Variants in PDE5A observed in about 807,000 individuals in gnomAD.
PDE5A encodes cGMP-specific 3',5'-cyclic phosphodiesterase.
Under a neutral mutation model 110.2 loss-of-function variants are expected in PDE5A, and 67 were observed. The ratio of observed to expected loss-of-function variants is 0.61; its 90% CI spans 0.50 to 0.75. The LOEUF (loss-of-function observed/expected upper bound fraction) is 0.75, where lower values mean the gene tolerates loss of function less well. Among genes scored for constraint, PDE5A ranks in the 30% least tolerant of loss-of-function variants. The probability of loss-of-function intolerance (pLI) is 0.00; values close to 1 mark genes in which losing one functional copy is unlikely to be tolerated. For synonymous variants in PDE5A, 328 were observed against 351.2 expected (o/e 0.93, Z 0.74); for missense variants, 862 against 1,045.1 (o/e 0.82, Z 2.42).
intron 1 of PDE5A, 59 bp downstream of exon 1, chr4:119,628,461 G>A: frequency 7.2e-7 from 1 of 1,396,930 alleles, no homozygotes; most frequent in Non-Finnish European, 9.8e-7. Context: ...GTGAACGAAG[G>A]GCACAATTCA....
At chr4:119,577,739 G>A (rs1167601640) in intron 3 of PDE5A, among the ~76,000 whole-genome samples, 2 of 152,178 alleles carry the variant, frequency 1.3e-5, no homozygotes, top group East Asian at 3.9e-4. Flanking sequence ...CATACTGAAT[G>A]GGCAAAAACT....
At position 119,626,248 on chromosome 4, in the gene PDE5A, G is replaced by A. The variant is rs564468128; in HGVS notation, c.152+2272C>T. On this transcript the variant is annotated intron_variant, in intron 1 of 20. Coordinates refer to ENST00000354960, the MANE Select transcript of PDE5A (RefSeq NM_001083.4). ...AGGATTTTGATCCTATGCTGCTTGG[G>A]AGAAAAAGTAATGGGAAAAGAAATG... 4.1e-4 allele frequency among the ~76,000 whole-genome samples: 63 copies of A among 152,160 alleles called. 1 individual carries two copies. Among genetic ancestry groups the A allele is most frequent in the African/African-American group, 1.5e-3 (62 of 41,494 alleles).
rs1730414295 is a variant in PDE5A, at chr4:119,627,808, C to T, written c.152+712G>A. On this transcript the variant is annotated intron_variant, in intron 1 of 20. Coordinates refer to ENST00000354960, the MANE Select transcript of PDE5A (RefSeq NM_001083.4). This position sits in a 1 kb window ranked among gnomAD's most constrained non-coding sequence, Gnocchi z 4.6. ...GCTCTGGACCAGAAAGAGCTGGCCT[C>T]TGGGGTCTGCGCTGCCCCTTGGGGT... Among the ~76,000 whole-genome samples the T allele has an allele frequency of 6.6e-6, 1 of 152,224 alleles. No individual in the cohort carries two copies. The highest frequency in any genetic ancestry group is 2.1e-4 in the South Asian group (1 of 4,836).
intron 1 of PDE5A, among the ~76,000 whole-genome samples, chr4:119,620,259 G>A (rs996528887): frequency 1.3e-5 from 2 of 152,156 alleles, no homozygotes; most frequent in African/African-American, 4.8e-5. Context: ...TGAGTAGTTC[G>A]CTTGGGTCTG....
chr4:119,615,718 C>A (rs79641732), intron 1 of PDE5A, among the ~76,000 whole-genome samples: 1,936 of 152,136 alleles, frequency 0.013, 35 homozygotes, highest in African/African-American at 0.041. Context: ...GCATCTGTAG[C>A]TTTTACCACA....
chr4:119,618,555 A>G (rs370811650), intron 1 of PDE5A, among the ~76,000 whole-genome samples: 2 of 152,166 alleles, frequency 1.3e-5, no homozygotes, highest in Non-Finnish European at 2.9e-5. Flanking sequence ...AGATTAGGTG[A>G]TAAACATTTA....
At chr4:119,522,890 G>A (rs573489083) in intron 12 of PDE5A, among the ~76,000 whole-genome samples, 11 of 152,078 alleles carry the variant, frequency 7.2e-5, no homozygotes, top group South Asian at 4.2e-4. Flanking sequence ...TGTTCAATAC[G>A]TTGAATCAGT....
intron 3 of PDE5A, 53 bp downstream of exon 3, chr4:119,596,465 ATTTTT>A: frequency 1.1e-6 from 1 of 920,974 alleles, no homozygotes; most frequent in South Asian, 1.7e-5. Flanking sequence ...AATACAAAAT[ATTTTT>A]CAAAAAGAAA....
chr4:119,520,831 T>A, intron 13 of PDE5A, 104 bp downstream of exon 13: 1 of 967,000 alleles, frequency 1.0e-6, no homozygotes, highest in Non-Finnish European at 1.5e-6. Context: ...GCAAATATTA[T>A]TTTAAATCAT....
In PDE5A at chr4:119,520,975, G is replaced by C. The variant is rs1726107469; in HGVS notation, c.1865C>G (p.Ala622Gly). ...TTTTAGAGCAGCAAACATGCACTGA[G>C]CTGTATTAAAGGCATGTCTCCAATT... The part of the protein sequence containing the change: ...YHNWRHAFNT[A>G]QCMFAALKAG... Residue 622 changes from alanine to glycine, a missense_variant, in exon 13 of 21, where the codon GCT becomes GGT. Transcript: ENST00000354960. The C allele has an allele frequency of 1.2e-6, 2 of 1,612,468 alleles. No individual in the cohort carries two copies. The highest frequency in any genetic ancestry group is 3.3e-5 in the Admixed American group (2 of 59,902).
intron 3 of PDE5A, among the ~76,000 whole-genome samples, chr4:119,577,999 C>T (rs548429264): frequency 9.8e-4 from 150 of 152,320 alleles, no homozygotes; most frequent in African/African-American, 3.4e-3. Context: ...TCTCAGGACA[C>T]AAAATCGATG....
chr4:119,584,504 C>T (rs1291686215), intron 3 of PDE5A, among the ~76,000 whole-genome samples: 3 of 152,180 alleles, frequency 2.0e-5, no homozygotes, highest in African/African-American at 7.2e-5. Flanking sequence ...TCTTTAGCAG[C>T]TTTCCTGCCT....
In PDE5A at chr4:119,565,314, G is replaced by C. The variant is rs78996285; in HGVS notation, c.993+7C>G. 16 of 1,586,974 alleles carry C rather than the reference G, an allele frequency of 1.0e-5. No homozygotes were observed. Among genetic ancestry groups the C allele is most frequent in the African/African-American group, 1.3e-5 (1 of 74,294 alleles). On this transcript the variant is annotated splice_region_variant and intron_variant, in intron 5 of 20. Coordinates refer to ENST00000354960, the MANE Select transcript of PDE5A (RefSeq NM_001083.4). Reference sequence around the variant, plus strand: ...TTCTATGCACTTTCTTTAGTAATCAGACTGACCTGATTTCTCTTGTTCTCC... The same window carrying C: ...TTCTATGCACTTTCTTTAGTAATCACACTGACCTGATTTCTCTTGTTCTCC...
rs1730389062 is a variant in PDE5A, at chr4:119,627,301, C to T, written c.152+1219G>A. On this transcript the variant is annotated intron_variant, in intron 1 of 20. Transcript: ENST00000354960. The surrounding 1 kb of genome is among the most constrained non-coding windows in gnomAD (Gnocchi z 4.6). The stretch of plus-strand genomic sequence containing the variant: ...GACTCAGAACCAGCTCCCTCACGGC[C>T]CCGGCCTCCGCGCCGCCGCCCGTCG... 7.6e-7 allele frequency: 1 copy of T among 1,314,156 alleles called. No homozygotes were observed. The highest frequency in any genetic ancestry group is 9.8e-7 in the Non-Finnish European group (1 of 1,018,112). 81.4% of individuals were successfully genotyped at this position (1,314,156 alleles called of 1,614,324 possible). A position where few individuals can be genotyped will look rare whatever the true frequency, so the allele number is the denominator to read the frequency against.
Position 119,522,553 on chromosome 4 carries a change from A to T in PDE5A, c.1780-1493T>A, listed in dbSNP as rs75949753. On this transcript the variant is annotated intron_variant, in intron 12 of 20. Coordinates refer to ENST00000354960, the MANE Select transcript of PDE5A (RefSeq NM_001083.4). ...CTTTTTACTAATCATAAATGTACAGATATAATTAAATATATAATACCATAT... is the reference window on the plus strand; with the variant it reads ...CTTTTTACTAATCATAAATGTACAGTTATAATTAAATATATAATACCATAT... Among the ~76,000 whole-genome samples the T allele has an allele frequency of 4.0e-3, 603 of 152,242 alleles. 5 individuals are homozygous for T. The highest frequency in any genetic ancestry group is 0.013 in the African/African-American group (551 of 41,568).
At chr4:119,562,304 A>G (rs1727770048) in intron 6 of PDE5A, among the ~76,000 whole-genome samples, 1 of 152,230 alleles carries the variant, frequency 6.6e-6, no homozygotes. Context: ...ACCAGTTAGA[A>G]CAGCTTAGTG....
intron 11 of PDE5A, among the ~76,000 whole-genome samples, chr4:119,531,936 A>G (rs1390936893): frequency 6.6e-6 from 1 of 152,142 alleles, no homozygotes; most frequent in Non-Finnish European, 1.5e-5. Context: ...TACAGTCACA[A>G]ATATGAAAGC....
chr4:119,548,645 C>T (rs1357169251), intron 9 of PDE5A: 1 of 152,140 alleles, frequency 6.6e-6, no homozygotes, highest in Admixed American at 6.6e-5. Context: ...TTTTCTAGTG[C>T]TACTAAAAAG....
chr4:119,510,440 A>G (rs898194084), intron 15 of PDE5A, among the ~76,000 whole-genome samples: 6 of 152,056 alleles, frequency 3.9e-5, no homozygotes, highest in Non-Finnish European at 7.4e-5. Flanking sequence ...CACACAGCCG[A>G]CAATGTAAAT....
Sources: allele counts gnomAD v4.1 joint callset (sites outside exome capture counted in the v4.1 genomes callset), GRCh38; gene constraint gnomAD v4.1.1; non-coding constraint Gnocchi (gnomAD v3.1); transcripts MANE v1.5; gene names NCBI Gene and HGNC (gene_info 2026-07-23, HGNC 2026-07-21).